IGF1: variants seen among roughly 807,000 people sequenced by gnomAD.
The protein encoded by IGF1 is insulin-like growth factor 1.
Under a neutral mutation model 13.8 loss-of-function variants are expected in IGF1, and 4 were observed. That is an observed-to-expected ratio of 0.29 (90% CI 0.14 to 0.66). The LOEUF (loss-of-function observed/expected upper bound fraction) is 0.66, where lower values mean the gene tolerates loss of function less well. IGF1 is among the 30% of genes least tolerant of loss of function. The probability of loss-of-function intolerance (pLI) is 0.78; values close to 1 mark genes in which losing one functional copy is unlikely to be tolerated. For missense variants in IGF1, 124 were observed against 188.5 expected (o/e 0.66, Z 2.00); for synonymous variants, 76 against 72.6 (o/e 1.05, Z -0.23).
rs572736285 is a variant in IGF1 at position 102,398,474 on chromosome 12, A to G, written c.*4033T>C. On this transcript the variant is annotated 3_prime_UTR_variant, in exon 4 of 4. Coordinates refer to ENST00000337514, the MANE Select transcript of IGF1 (RefSeq NM_000618.5). The stretch of plus-strand genomic sequence containing the variant: ...ACTTACTTATCTTTTAAATTCTTCT[A>G]TTTGCCTATAAGATCTTTTTTCCCG... 6.6e-6 allele frequency: 1 copy of G among 152,274 alleles called. No homozygotes were observed. Among genetic ancestry groups the G allele is most frequent in the East Asian group, 1.9e-4 (1 of 5,194 alleles). The allele number at this position is 152,274 out of a possible 1,614,324, so 9.4% of individuals were successfully genotyped here.
intron 2 of IGF1, among the ~76,000 whole-genome samples, chr12:102,454,291 G>C (rs1218030594): frequency 6.6e-6 from 1 of 152,204 alleles, no homozygotes; most frequent in Non-Finnish European, 1.5e-5. Flanking sequence ...GGTTTTGGAA[G>C]CTCTTCCCTT....
intron 1 of IGF1, among the ~76,000 whole-genome samples, chr12:102,476,410 T>TGAGAGAGAGAGA (rs36047405): frequency 0.043 from 5,953 of 138,996 alleles, 178 homozygotes; most frequent in Middle Eastern, 0.07. Context: ...TTCCTCAATA[T>TGAGAGAGAGAGA]GAGAGAGAGA....
chr12:102,477,576 T>A (rs1188934954), intron 1 of IGF1, among the ~76,000 whole-genome samples: 1 of 151,100 alleles, frequency 6.6e-6, no homozygotes. Flanking sequence ...GGGGTTTTCC[T>A]GTTCAATATT....
chr12:102,443,014 A>T (rs1878003984), intron 2 of IGF1, among the ~76,000 whole-genome samples: 1 of 152,046 alleles, frequency 6.6e-6, no homozygotes, highest in Admixed American at 6.5e-5. Flanking sequence ...AGTGATGCTA[A>T]TAGGACTGGC....
At chr12:102,418,121 G>A in intron 3 of IGF1, 2 of 1,082,948 alleles carry the variant, frequency 1.8e-6, no homozygotes, top group African/African-American at 1.6e-5. Context: ...ATGCTGGAGA[G>A]GGGTCTAGAC....
In IGF1 at chr12:102,397,609, A is replaced by T. The variant is rs1006333433; in HGVS notation, c.*4898T>A. On this transcript the variant is annotated 3_prime_UTR_variant, in exon 4 of 4. Coordinates refer to ENST00000337514, the MANE Select transcript of IGF1 (RefSeq NM_000618.5). ...AAATAGCAATAAGCAAATATGTACT[A>T]CAGGATTAAACACTAGCATTGAAAA... The T allele has an allele frequency of 3.3e-5, 5 of 152,232 alleles. No individual in the cohort carries two copies. The highest frequency in any genetic ancestry group is 1.2e-4 in the African/African-American group (5 of 41,456). The allele number at this position is 152,232 out of a possible 1,614,324, so 9.4% of individuals were successfully genotyped here. A position where few individuals can be genotyped will look rare whatever the true frequency, so the allele number is the denominator to read the frequency against.
In IGF1 at chr12:102,480,469, G is replaced by A; in HGVS notation, c.-88C>T. On this transcript the variant is annotated 5_prime_UTR_variant, in exon 1 of 4. Coordinates refer to ENST00000337514, the MANE Select transcript of IGF1 (RefSeq NM_000618.5). The stretch of plus-strand genomic sequence containing the variant: ...TCCAGAGAGATGGGAGATGTTGAGA[G>A]CAATGTCACATTTCAATTTTGAGGA... The A allele has an allele frequency of 6.3e-7, 1 of 1,599,944 alleles. No homozygotes were observed. Among genetic ancestry groups the A allele is most frequent in the Non-Finnish European group, 8.5e-7 (1 of 1,173,732 alleles).
chr12:102,470,043 T>A (rs1434428389), intron 2 of IGF1, among the ~76,000 whole-genome samples: 1 of 152,152 alleles, frequency 6.6e-6, no homozygotes, highest in African/African-American at 2.4e-5. Context: ...GCATTGGCAA[T>A]AGATTCTGCA....
intron 1 of IGF1, among the ~76,000 whole-genome samples, chr12:102,477,982 T>C (rs1167863706): frequency 7.0e-6 from 1 of 142,584 alleles, no homozygotes; most frequent in Non-Finnish European, 1.5e-5. Flanking sequence ...TTTTTTTAAA[T>C]AGATTTCTCT....
rs998587682 is a variant in IGF1, at chr12:102,456,818, C to T, written c.220+18825G>A. On this transcript the variant is annotated intron_variant, in intron 2 of 3. Coordinates refer to ENST00000337514, the MANE Select transcript of IGF1 (RefSeq NM_000618.5). ...AAAAGGAATGACAGTCCCCACGTTC[C>T]AAAGGAAGGGGCATGAATGCATCTT... 5.9e-5 allele frequency among the ~76,000 whole-genome samples: 9 copies of T among 152,270 alleles called. No individual in the cohort carries two copies. The East Asian group carries it at 1.5e-3, about 26-fold the overall frequency.
rs201200455 is a variant in IGF1 at position 102,469,472 on chromosome 12, CT to C, written c.220+6170del. Among the ~76,000 whole-genome samples, 15 of 152,272 alleles carry C rather than the reference CT, an allele frequency of 9.9e-5. No homozygotes were observed. The East Asian group carries it at 2.7e-3, about 27-fold the overall frequency. On this transcript the variant is annotated intron_variant, in intron 2 of 3. Coordinates refer to ENST00000337514, the MANE Select transcript of IGF1 (RefSeq NM_000618.5). Reference sequence around the variant, plus strand: ...TGTCTGAATTCAGTCTGTGAAGGGTCTTGTACAGCAGCAGCCTCTAATTAGC... The same window carrying C: ...TGTCTGAATTCAGTCTGTGAAGGGTCTGTACAGCAGCAGCCTCTAATTAGC...
chr12:102,478,430 G>A, intron 1 of IGF1: 2 of 1,212,916 alleles, frequency 1.6e-6, no homozygotes, highest in Non-Finnish European at 2.3e-6. Flanking sequence ...AGATGTCTGG[G>A]CCACAATGAA....
chr12:102,415,605 T>G (rs1349682016), intron 3 of IGF1: 3 of 141,084 alleles, frequency 2.1e-5, no homozygotes, highest in Admixed American at 1.4e-4. Context: ...CTTCCCTCCC[T>G]CCCTCCCTCC....
intron 2 of IGF1, among the ~76,000 whole-genome samples, chr12:102,475,193 T>A (rs182064964): frequency 6.6e-6 from 1 of 151,946 alleles, no homozygotes; most frequent in East Asian, 1.9e-4. Flanking sequence ...CCCTTTAATA[T>A]TTTTTTTCCC....
intron 3 of IGF1, among the ~76,000 whole-genome samples, chr12:102,416,647 C>T (rs551930589): frequency 2.6e-4 from 39 of 152,212 alleles, no homozygotes; most frequent in African/African-American, 8.7e-4. Flanking sequence ...TAGTATGTTC[C>T]TGGGGTTCTC....
intron 2 of IGF1, among the ~76,000 whole-genome samples, 168 bp from the exon 3 acceptor site, chr12:102,419,858 A>C (rs2137002701): frequency 6.6e-6 from 1 of 152,148 alleles, no homozygotes; most frequent in African/African-American, 2.4e-5. Context: ...ATCTTTCTGA[A>C]TGCCAGTATG....
intron 2 of IGF1, among the ~76,000 whole-genome samples, chr12:102,455,191 A>C (rs1211729709): frequency 1.3e-5 from 2 of 152,244 alleles, no homozygotes; most frequent in East Asian, 3.8e-4. Flanking sequence ...TCCTGCCTAG[A>C]ACTTCTGACT....
chr12:102,445,020 C>T (rs1273877066), intron 2 of IGF1, among the ~76,000 whole-genome samples: 4 of 151,922 alleles, frequency 2.6e-5, no homozygotes, highest in Non-Finnish European at 5.9e-5. Context: ...TTGTTTTTGT[C>T]CGGTTTGTCA....
chr12:102,463,782 C>T (rs1880102010), intron 2 of IGF1, among the ~76,000 whole-genome samples: 1 of 152,172 alleles, frequency 6.6e-6, no homozygotes, highest in African/African-American at 2.4e-5. Flanking sequence ...TTAAAGGGTC[C>T]AGCTGTGCAA....
Sources: allele counts gnomAD v4.1 joint callset (sites outside exome capture counted in the v4.1 genomes callset), GRCh38; gene constraint gnomAD v4.1.1; transcripts MANE v1.5; gene names NCBI Gene and HGNC (gene_info 2026-07-23, HGNC 2026-07-21).